The following ASPH variants were observed in gnomAD, a reference collection of about 807,000 sequenced individuals.
ASPH encodes aspartate beta-hydroxylase, also known as aspartyl/asparaginyl beta-hydroxylase.
A neutral mutation model predicts 118.4 loss-of-function variants in ASPH; 100 were observed. The observed-to-expected ratio is 0.84, with a 90% confidence interval of 0.72 to 1.00. The LOEUF (loss-of-function observed/expected upper bound fraction) is 1.00. Ranked by LOEUF, ASPH falls within the 50% of genes least tolerant of loss-of-function variation. The pLI, the probability that ASPH is intolerant of heterozygous loss-of-function variation, is 0.00. For synonymous variants in ASPH, 315 were observed against 325.6 expected (o/e 0.97, Z 0.35); for missense variants, 920 against 919.5 (o/e 1.00, Z -0.01).
chr8:61,607,399 A>C, intron 14 of ASPH: 2 of 616,848 alleles, frequency 3.2e-6, no homozygotes, highest in Non-Finnish European at 5.9e-6. Context: ...ACTTTTAAAA[A>C]TGAACTCAAA....
chr8:61,703,576 G>A (rs1223964781), intron 1 of ASPH, among the ~76,000 whole-genome samples: 3 of 151,816 alleles, frequency 2.0e-5, no homozygotes, highest in African/African-American at 7.3e-5. Context: ...TGCGTAAAAA[G>A]AGCTCCATAG....
chr8:61,512,870 T>C (rs931766733), intron 24 of ASPH, among the ~76,000 whole-genome samples: 1 of 152,224 alleles, frequency 6.6e-6, no homozygotes, highest in Non-Finnish European at 1.5e-5. Flanking sequence ...GCAATAGCTC[T>C]GGGTATTGGG....
chr8:61,650,296 A>G (rs1328514344), intron 5 of ASPH, among the ~76,000 whole-genome samples: 1 of 152,150 alleles, frequency 6.6e-6, no homozygotes, highest in Non-Finnish European at 1.5e-5. Context: ...TCCACTGGCA[A>G]AAAACAGTTT....
intron 12 of ASPH, among the ~76,000 whole-genome samples, chr8:61,634,955 T>C (rs1857104809): frequency 6.6e-6 from 1 of 152,232 alleles, no homozygotes; most frequent in Non-Finnish European, 1.5e-5. Context: ...TTCTGGTATA[T>C]GATGTAATAA....
At chr8:61,523,766 C>G (rs752041689) in intron 22 of ASPH, among the ~76,000 whole-genome samples, 4 of 151,864 alleles carry the variant, frequency 2.6e-5, no homozygotes, top group Non-Finnish European at 4.4e-5. Flanking sequence ...CCCTTTATGA[C>G]AATAAAATAA....
intron 3 of ASPH, chr8:61,660,393 T>C (rs1816228988): frequency 1.3e-5 from 2 of 152,180 alleles, no homozygotes; most frequent in Admixed American, 1.3e-4. Flanking sequence ...ACACACTAAC[T>C]TCCTTAGAGG....
At chr8:61,511,521 G>A (rs1270063765) in intron 24 of ASPH, among the ~76,000 whole-genome samples, 1 of 152,182 alleles carries the variant, frequency 6.6e-6, no homozygotes, top group Non-Finnish European at 1.5e-5. Context: ...CACCTCCTGA[G>A]TATAATAATT....
At chr8:61,690,410 G>A (rs543528678) in intron 1 of ASPH, among the ~76,000 whole-genome samples, 21 of 152,234 alleles carry the variant, frequency 1.4e-4, no homozygotes, top group African/African-American at 4.6e-4. Flanking sequence ...GAGGTGAGGA[G>A]AGGGAAAGAA....
intron 24 of ASPH, among the ~76,000 whole-genome samples, chr8:61,510,946 G>C (rs762915799): frequency 6.6e-6 from 1 of 152,110 alleles, no homozygotes; most frequent in Non-Finnish European, 1.5e-5. Flanking sequence ...AAAGGAGAAA[G>C]GAGGGATGAA....
At chr8:61,608,997 A>T (rs1199980363) in intron 14 of ASPH, among the ~76,000 whole-genome samples, 1 of 152,134 alleles carries the variant, frequency 6.6e-6, no homozygotes, top group Non-Finnish European at 1.5e-5. Context: ...TGGGTGCATC[A>T]CTGGTTTCAA....
At chr8:61,627,397 T>C (rs1053246050) in intron 13 of ASPH, among the ~76,000 whole-genome samples, 20 of 152,304 alleles carry the variant, frequency 1.3e-4, no homozygotes, top group African/African-American at 4.8e-4. Context: ...GATGATCCAG[T>C]TCACAAGAGT....
chr8:61,704,400 CAT>C (rs1836057220), intron 1 of ASPH, among the ~76,000 whole-genome samples: 1 of 151,434 alleles, frequency 6.6e-6, no homozygotes, highest in Admixed American at 6.6e-5. Context: ...TGAAAATGCT[CAT>C]AGACAAACAT....
rs989304140 is a variant in ASPH at position 61,660,743 on chromosome 8, C to G, written c.323-7083G>C. The G allele has an allele frequency of 1.3e-5, 2 of 152,132 alleles. 1 individual carries two copies. Among genetic ancestry groups the G allele is most frequent in the Admixed American group, 1.3e-4 (2 of 15,274 alleles). 9.4% of individuals were successfully genotyped at this position (152,132 alleles called of 1,614,324 possible). A position where few individuals can be genotyped will look rare whatever the true frequency, so the allele number is the denominator to read the frequency against. ...AACCAAAGAAATTCTGGAGAACATT[C>G]AGAAGTAAAACTAAATATATTCCTA... is the stretch of plus-strand genomic sequence containing the variant. On this transcript the variant is annotated intron_variant, in intron 3 of 24. Coordinates refer to ENST00000379454, the MANE Select transcript of ASPH (RefSeq NM_004318.4).
At chr8:61,690,952 G>A (rs1357627708) in intron 1 of ASPH, among the ~76,000 whole-genome samples, 3 of 151,932 alleles carry the variant, frequency 2.0e-5, no homozygotes, top group Admixed American at 6.6e-5. Flanking sequence ...TATATTCAAA[G>A]CTAAATGTTA....
At chr8:61,534,119 G>A (rs959824091) in intron 21 of ASPH, among the ~76,000 whole-genome samples, 2 of 151,934 alleles carry the variant, frequency 1.3e-5, no homozygotes, top group Non-Finnish European at 2.9e-5. Context: ...AGCTAATTTT[G>A]TATTTTTAAT....
chr8:61,604,360 G>C (rs967869449), intron 14 of ASPH, among the ~76,000 whole-genome samples: 3 of 151,902 alleles, frequency 2.0e-5, no homozygotes, highest in Non-Finnish European at 4.4e-5. Context: ...AAATTTTAGG[G>C]AGGAAAAAAA....
intron 13 of ASPH, chr8:61,626,430 T>C: frequency 8.5e-7 from 1 of 1,178,438 alleles, no homozygotes; most frequent in South Asian, 3.2e-5. Flanking sequence ...GGTAACAGAA[T>C]AATCAACTAC....
chr8:61,671,613 T>A (rs1177418558), intron 3 of ASPH, among the ~76,000 whole-genome samples: 1 of 152,256 alleles, frequency 6.6e-6, no homozygotes, highest in African/African-American at 2.4e-5. Context: ...CGTCCTTTTA[T>A]ACTTATTTTG....
At chr8:61,527,248 T>C (rs1053088004) in intron 21 of ASPH, among the ~76,000 whole-genome samples, 2 of 152,110 alleles carry the variant, frequency 1.3e-5, no homozygotes, top group African/African-American at 2.4e-5. Flanking sequence ...TGGTTCTCTA[T>C]CATTTGAATT....
Sources: allele counts gnomAD v4.1 joint callset (sites outside exome capture counted in the v4.1 genomes callset), GRCh38; gene constraint gnomAD v4.1.1; transcripts MANE v1.5; gene names NCBI Gene and HGNC (gene_info 2026-07-23, HGNC 2026-07-21).